Variants in USP15 observed in about 807,000 individuals in gnomAD.
USP15 encodes ubiquitin specific peptidase 15.
A neutral mutation model predicts 127.1 loss-of-function variants in USP15; 18 were observed. The observed-to-expected ratio is 0.14, with a 90% CI of 0.10 to 0.21. The LOEUF (loss-of-function observed/expected upper bound fraction) is 0.21. Ranked by LOEUF, USP15 falls within the 10% of genes least tolerant of loss-of-function variation. The pLI is 1.00. For missense variants in USP15, 805 were observed against 1,159.9 expected (o/e 0.69, Z 4.44); for synonymous variants, 364 against 393.7 (o/e 0.92, Z 0.89).
chr12:62,268,216 T>C (rs1039889265), intron 1 of USP15, among the ~76,000 whole-genome samples: 3 of 151,652 alleles, frequency 2.0e-5, no homozygotes, highest in Non-Finnish European at 2.9e-5. Context: ...GTACAGAAAC[T>C]GGGATAGTTA....
In USP15 at chr12:62,389,532, T is replaced by A; in HGVS notation, c.1557+18T>A. 6.2e-7 allele frequency: 1 copy of A among 1,613,028 alleles called. No individual in the cohort carries two copies. The highest frequency in any genetic ancestry group is 8.5e-7 in the Non-Finnish European group (1 of 1,179,586). On this transcript the variant is annotated intron_variant, in intron 12 of 21. Transcript: ENST00000280377. ...CAGATAAGGTAAGATGTTTCTGGGG[T>A]TGAAGTATATAAGTTGGTATTTAGT...
chr12:62,303,113 A>G, intron 3 of USP15, 193 bp downstream of exon 3: 2 of 521,120 alleles, frequency 3.8e-6, no homozygotes, highest in Non-Finnish European at 6.6e-6. Context: ...TATTGTAAGT[A>G]TGTATTATTG....
rs17717700 is a variant in USP15 at position 62,404,146 on chromosome 12, G to A, written c.2764-47G>A. 68 of 1,494,496 alleles carry A rather than the reference G, an allele frequency of 4.6e-5. 1 individual carries two copies. Among genetic ancestry groups the A allele is most frequent in the African/African-American group, 1.1e-4 (8 of 70,892 alleles). The allele number at this position is 1,494,496 out of a possible 1,614,324, so 92.6% of individuals were successfully genotyped here. A position where few individuals can be genotyped will look rare whatever the true frequency, so the allele number is the denominator to read the frequency against. On this transcript the variant is annotated intron_variant, in intron 21 of 21. Transcript: ENST00000280377. The stretch of plus-strand genomic sequence containing the variant: ...GCTAAAAATTCATAATGTATTTAAC[G>A]TGATCTTTGAGAATCATAACTGTTT...
chr12:62,333,514 TCTC>T (rs1332976287), intron 6 of USP15, among the ~76,000 whole-genome samples: 3 of 152,124 alleles, frequency 2.0e-5, no homozygotes, highest in Non-Finnish European at 4.4e-5. Context: ...CCCAGGCTGG[TCTC>T]CTGGGCTCAA....
intron 20 of USP15, among the ~76,000 whole-genome samples, chr12:62,397,339 T>C (rs138300169): frequency 2.6e-5 from 4 of 152,360 alleles, no homozygotes; most frequent in African/African-American, 9.6e-5. Flanking sequence ...CTAGTAGAAT[T>C]AACCTGTAAA....
intron 6 of USP15, among the ~76,000 whole-genome samples, chr12:62,331,946 C>T (rs1292736845): frequency 6.6e-6 from 1 of 152,140 alleles, no homozygotes; most frequent in Non-Finnish European, 1.5e-5. Context: ...GAACGGATCA[C>T]TTGAGGCCAG....
At chr12:62,352,725 A>G (rs2065998438) in intron 7 of USP15, among the ~76,000 whole-genome samples, 1 of 152,064 alleles carries the variant, frequency 6.6e-6, no homozygotes, top group African/African-American at 2.4e-5. Context: ...AAAAATGGGC[A>G]TAATTATAGT....
chr12:62,306,332 G>A (rs1012126771), intron 3 of USP15, among the ~76,000 whole-genome samples: 43 of 152,264 alleles, frequency 2.8e-4, no homozygotes, highest in African/African-American at 1.0e-3. Flanking sequence ...GAAATGTGGC[G>A]TGGCTTTGGA....
At chr12:62,347,638 AACT>A (rs1428468334) in intron 6 of USP15, among the ~76,000 whole-genome samples, 10 of 152,142 alleles carry the variant, frequency 6.6e-5, no homozygotes, top group Admixed American at 3.3e-4. Context: ...AATATTTTAA[AACT>A]ACTATCTGGG....
intron 19 of USP15, among the ~76,000 whole-genome samples, chr12:62,395,653 C>T (rs748895018): frequency 2.6e-5 from 4 of 151,682 alleles, no homozygotes; most frequent in African/African-American, 7.3e-5. Flanking sequence ...ACCTTCCCAC[C>T]ACACTTGTCA....
At chr12:62,312,773 T>G (rs1369991376) in intron 3 of USP15, among the ~76,000 whole-genome samples, 1 of 151,706 alleles carries the variant, frequency 6.6e-6, no homozygotes, top group African/African-American at 2.4e-5. Flanking sequence ...TAAGCTTGTT[T>G]CTTCCTGTTA....
chr12:62,315,749 G>A (rs1462604167), intron 4 of USP15, among the ~76,000 whole-genome samples: 1 of 152,158 alleles, frequency 6.6e-6, no homozygotes, highest in African/African-American at 2.4e-5. Flanking sequence ...AGTCATTAAA[G>A]TAAATGAAAG....
intron 5 of USP15, among the ~76,000 whole-genome samples, chr12:62,324,956 A>G (rs1012656848): frequency 1.3e-5 from 2 of 152,028 alleles, no homozygotes; most frequent in African/African-American, 4.8e-5. Flanking sequence ...GAAACAGTAA[A>G]TGAAATGTAT....
At chr12:62,346,440 A>G (rs2065820879) in intron 6 of USP15, among the ~76,000 whole-genome samples, 1 of 152,160 alleles carries the variant, frequency 6.6e-6, no homozygotes. Flanking sequence ...TTTAAATAAC[A>G]CTTTGATATT....
intron 6 of USP15, among the ~76,000 whole-genome samples, chr12:62,326,348 G>A (rs1025993799): frequency 6.6e-6 from 1 of 152,016 alleles, no homozygotes; most frequent in African/African-American, 2.4e-5. Context: ...ACAAATAGAG[G>A]TAGAGGAGTA....
rs959366801 is a variant in USP15, at chr12:62,260,642, C to T, written c.89+139C>T. On this transcript the variant is annotated intron_variant, in intron 1 of 21. Transcript: ENST00000280377. ...CGCCGGGGCAGCGGGATTTTGGCCG[C>T]TTCTGAAATGTTGGGGCAAAGGTTG... The T allele has an allele frequency of 6.5e-6, 5 of 767,028 alleles. No homozygotes were observed. The Admixed American group carries it at 8.2e-5, about 13-fold the overall frequency. 47.5% of individuals were successfully genotyped at this position (767,028 alleles called of 1,614,324 possible).
Position 62,390,910 on chromosome 12 carries a change from C to T in USP15, c.1891C>T (p.Leu631=). The T allele has an allele frequency of 1.2e-6, 2 of 1,612,572 alleles. No individual in the cohort carries two copies. Among genetic ancestry groups the T allele is most frequent in the Non-Finnish European group, 8.5e-7 (1 of 1,179,202 alleles). The part of the protein sequence containing the change: ...STETEETEGS[L]HCCKDQNING... ...TGAAACTGAAGAAACTGAAGGATCC[C>T]TACACTGCTGTAAGGACCAAAATAT... The change falls in exon 15 of 22, where the codon CTA becomes TTA. Residue 631 remains leucine, a synonymous_variant. Transcript: ENST00000280377.
Position 62,409,606 on chromosome 12 carries a change from A to G in USP15, c.*5231A>G, listed in dbSNP as rs958316780. Reference sequence around the variant, plus strand: ...GTCAGGAACTTGCAGCTTGTTCTATATAGTTTGGTGAAACAAACAAAACAG... The same window carrying G: ...GTCAGGAACTTGCAGCTTGTTCTATGTAGTTTGGTGAAACAAACAAAACAG... On this transcript the variant is annotated 3_prime_UTR_variant, in exon 22 of 22. Transcript: ENST00000280377. 1 of 152,150 alleles carries G rather than the reference A, an allele frequency of 6.6e-6. No individual in the cohort carries two copies. The highest frequency in any genetic ancestry group is 6.5e-5 in the Admixed American group (1 of 15,268). The allele number at this position is 152,150 out of a possible 1,614,324, so 9.4% of individuals were successfully genotyped here. A position where few individuals can be genotyped will look rare whatever the true frequency, so the allele number is the denominator to read the frequency against.
intron 6 of USP15, among the ~76,000 whole-genome samples, chr12:62,347,342 G>T (rs1473736513): frequency 2.0e-5 from 3 of 148,526 alleles, no homozygotes; most frequent in Non-Finnish European, 3.0e-5. Context: ...CAGTGTGTGT[G>T]TATATACACA....
Sources: gnomAD v4.1 joint callset for allele counts (sites outside exome capture counted in the v4.1 genomes callset) on GRCh38, gnomAD v4.1.1 for gene constraint, MANE v1.5 for transcripts, NCBI Gene and HGNC (gene_info 2026-07-23, HGNC 2026-07-21) for gene names.